RYR2: variants seen among roughly 807,000 people sequenced by gnomAD.
RYR2 encodes the protein ryanodine receptor 2, also known as cardiac muscle ryanodine receptor-calcium release channel.
A neutral mutation model predicts 601.1 loss-of-function variants in RYR2; 227 were observed. The observed-to-expected ratio is 0.38, with a 90% CI of 0.34 to 0.42. The LOEUF (loss-of-function observed/expected upper bound fraction) is 0.42. Ranked by LOEUF, RYR2 falls within the 10% of genes least tolerant of loss-of-function variation. The pLI is 1.00. For synonymous variants in RYR2, 2,223 were observed against 2,175.1 expected (o/e 1.02, Z -0.61); for missense variants, 4,646 against 6,156.5 (o/e 0.75, Z 8.21).
chr1:237,634,151 A>T (rs1360148021), intron 43 of RYR2, among the ~76,000 whole-genome samples: 1 of 152,210 alleles, frequency 6.6e-6, no homozygotes, highest in Non-Finnish European at 1.5e-5. Flanking sequence ...TCGAAGAGAT[A>T]CGTGTACTTC....
intron 1 of RYR2, among the ~76,000 whole-genome samples, chr1:237,255,872 T>TGTGTG (rs1687916134): frequency 1.3e-5 from 2 of 151,348 alleles, no homozygotes; most frequent in East Asian, 1.9e-4. Flanking sequence ...TGTGTGTGTG[T>TGTGTG]GAGTTTAGCT....
At chr1:237,092,145 A>T (rs1219992469) in intron 1 of RYR2, among the ~76,000 whole-genome samples, 1 of 152,174 alleles carries the variant, frequency 6.6e-6, no homozygotes, top group Non-Finnish European at 1.5e-5. Context: ...GTTGAGAGAA[A>T]AGATCTACCA....
chr1:237,335,067 T>G (rs988838788), intron 3 of RYR2, among the ~76,000 whole-genome samples: 1 of 152,172 alleles, frequency 6.6e-6, no homozygotes, highest in African/African-American at 2.4e-5. Context: ...GATGGCTTTC[T>G]TCCTTCTCTG....
At chr1:237,108,300 C>T (rs1253131414) in intron 1 of RYR2, among the ~76,000 whole-genome samples, 1 of 152,176 alleles carries the variant, frequency 6.6e-6, no homozygotes, top group Admixed American at 6.5e-5. Flanking sequence ...TGATACTCCC[C>T]TTTCCTGCCC....
At chr1:237,454,363 A>G in intron 14 of RYR2, 28 bp from the exon 15 acceptor site, 2 of 1,565,892 alleles carry the variant, frequency 1.3e-6, no homozygotes, top group Non-Finnish European at 1.7e-6. Flanking sequence ...ATCACTGACA[A>G]TAGAGAAATG....
At chr1:237,538,416 A>G (rs1389193280) in intron 25 of RYR2, among the ~76,000 whole-genome samples, 1 of 147,570 alleles carries the variant, frequency 6.8e-6, no homozygotes, top group Admixed American at 6.8e-5. Flanking sequence ...AAAAAAAAAA[A>G]AAAAAAAAAA....
intron 1 of RYR2, among the ~76,000 whole-genome samples, chr1:237,088,437 G>A (rs1253935900): frequency 6.6e-6 from 1 of 152,162 alleles, no homozygotes; most frequent in Non-Finnish European, 1.5e-5. Flanking sequence ...CAACAAATGT[G>A]TAAATGTGTA....
Position 237,652,885 on chromosome 1 carries a change from A to AT in RYR2, c.7825-1381dup, listed in dbSNP as rs200701611. 7.0e-3 allele frequency among the ~76,000 whole-genome samples: 1,062 copies of AT among 152,036 alleles called. 12 individuals are homozygous for AT. Among genetic ancestry groups the AT allele is most frequent in the African/African-American group, 0.024 (997 of 41,506 alleles). On this transcript the variant is annotated intron_variant, in intron 51 of 104. Coordinates refer to ENST00000366574, the MANE Select transcript of RYR2 (RefSeq NM_001035.3). ...ATTGTGTGGATGTATGTATGTGTCCATTTTTTTTAACTGAAAGGGAAAGTA... is the reference window on the plus strand; with the variant it reads ...ATTGTGTGGATGTATGTATGTGTCCATTTTTTTTTAACTGAAAGGGAAAGTA...
intron 1 of RYR2, among the ~76,000 whole-genome samples, chr1:237,143,995 G>A (rs546909212): frequency 6.6e-6 from 1 of 152,228 alleles, no homozygotes; most frequent in East Asian, 1.9e-4. Context: ...TGCGCATGGT[G>A]ACATGCGCCT....
In RYR2 at chr1:237,129,417, C is replaced by T. The variant is rs557407357; in HGVS notation, c.48+86848C>T. On this transcript the variant is annotated intron_variant, in intron 1 of 104. Transcript: ENST00000366574. ...TGATGAAGAATTACTGTCCAGGATT[C>T]GGGAGAACATGGAAATCAAGAGAGG... is the stretch of plus-strand genomic sequence containing the variant. Among the ~76,000 whole-genome samples the T allele has an allele frequency of 2.6e-4, 39 of 152,136 alleles. 1 individual carries two copies. The highest frequency in any genetic ancestry group is 8.4e-4 in the African/African-American group (35 of 41,484).
chr1:237,555,400 A>G (rs1421690537), intron 27 of RYR2, among the ~76,000 whole-genome samples: 1 of 152,100 alleles, frequency 6.6e-6, no homozygotes, highest in Non-Finnish European at 1.5e-5. Flanking sequence ...GATGACAGTC[A>G]ATATATTTTT....
intron 22 of RYR2, among the ~76,000 whole-genome samples, chr1:237,505,975 T>A (rs989014985): frequency 6.6e-6 from 1 of 152,160 alleles, no homozygotes; most frequent in African/African-American, 2.4e-5. Flanking sequence ...CAATCACTAG[T>A]CAGACATTTA....
At chr1:237,221,144 G>C (rs1473411622) in intron 1 of RYR2, among the ~76,000 whole-genome samples, 1 of 151,990 alleles carries the variant, frequency 6.6e-6, no homozygotes, top group Non-Finnish European at 1.5e-5. Context: ...AACAAATTGG[G>C]GATAGGTCTG....
intron 3 of RYR2, among the ~76,000 whole-genome samples, chr1:237,350,921 T>C (rs905541203): frequency 1.3e-5 from 2 of 151,964 alleles, no homozygotes; most frequent in Non-Finnish European, 2.9e-5. Flanking sequence ...AATTAACATA[T>C]GTATTGACAT....
chr1:237,530,273 T>C (rs995066123), intron 24 of RYR2, among the ~76,000 whole-genome samples, 154 bp from the exon 25 acceptor site: 4 of 150,658 alleles, frequency 2.7e-5, no homozygotes, highest in South Asian at 2.1e-4. Context: ...ATCGCGCCAC[T>C]GCACTCCAGC....
At chr1:237,763,236 G>T (rs1693572608) in intron 84 of RYR2, among the ~76,000 whole-genome samples, 2 of 152,312 alleles carry the variant, frequency 1.3e-5, no homozygotes, top group Non-Finnish European at 2.9e-5. Context: ...CCCAGCGTCT[G>T]CAACTGTTGT....
At chr1:237,598,588 G>T (rs546993707) in intron 34 of RYR2, among the ~76,000 whole-genome samples, 2 of 152,120 alleles carry the variant, frequency 1.3e-5, no homozygotes, top group Admixed American at 6.5e-5. Context: ...TGTTAAAAAA[G>T]AAATTAAAAA....
At chr1:237,238,767 T>C (rs1280226553) in intron 1 of RYR2, among the ~76,000 whole-genome samples, 1 of 152,218 alleles carries the variant, frequency 6.6e-6, no homozygotes, top group Admixed American at 6.5e-5. Context: ...GTAAGAGATT[T>C]GCCATGGACC....
chr1:237,551,048 T>C (rs992176294), intron 27 of RYR2, among the ~76,000 whole-genome samples: 1 of 152,206 alleles, frequency 6.6e-6, no homozygotes, highest in African/African-American at 2.4e-5. Flanking sequence ...TAGTGGAGGC[T>C]AGTGTTTTAC....
Sources: allele counts gnomAD v4.1 joint callset (sites outside exome capture counted in the v4.1 genomes callset), GRCh38; gene constraint gnomAD v4.1.1; transcripts MANE v1.5; gene names NCBI Gene and HGNC (gene_info 2026-07-23, HGNC 2026-07-21).